The following GBE1 variants were observed in gnomAD, a reference collection of about 807,000 sequenced individuals.
The protein encoded by GBE1 is 1,4-alpha-glucan-branching enzyme.
In GBE1, 70 loss-of-function variants were observed where a neutral mutation model predicts 88.8. That is an observed-to-expected ratio of 0.79 (90% CI 0.65 to 0.96). The LOEUF (loss-of-function observed/expected upper bound fraction) is 0.96. GBE1 is among the 40% of genes least tolerant of loss of function. GBE1 has a pLI of 0.00. For missense variants in GBE1, 872 were observed against 871.0 expected, an observed-to-expected ratio of 1.00 and a Z score of -0.01; for synonymous variants, 284 against 300.1, an observed-to-expected ratio of 0.95 and a Z score of 0.56.
intron 10 of GBE1, among the ~76,000 whole-genome samples, chr3:81,584,213 A>G (rs1299931028): frequency 6.6e-6 from 1 of 152,092 alleles, no homozygotes; most frequent in Non-Finnish European, 1.5e-5. Context: ...TTCAAAACTA[A>G]TGATATTGAA....
intron 1 of GBE1, among the ~76,000 whole-genome samples, chr3:81,759,890 CTTCTT>C (rs965838061): frequency 3.4e-4 from 51 of 151,958 alleles, no homozygotes; most frequent in African/African-American, 1.2e-3. Context: ...TTCCACAACT[CTTCTT>C]TAATAAATAT....
intron 7 of GBE1, among the ~76,000 whole-genome samples, chr3:81,632,796 A>T (rs747837304): frequency 6.6e-6 from 1 of 152,070 alleles, no homozygotes; most frequent in Non-Finnish European, 1.5e-5. Flanking sequence ...AATGACTCAG[A>T]CTCATTATCA....
At chr3:81,707,695 T>C (rs1705798047) in intron 1 of GBE1, among the ~76,000 whole-genome samples, 1 of 152,068 alleles carries the variant, frequency 6.6e-6, no homozygotes, top group Non-Finnish European at 1.5e-5. Context: ...GTCATCATTA[T>C]ACTTTTTAAT....
At chr3:81,508,751 G>C (rs1432155370) in intron 14 of GBE1, among the ~76,000 whole-genome samples, 1 of 152,164 alleles carries the variant, frequency 6.6e-6, no homozygotes, top group African/African-American at 2.4e-5. Flanking sequence ...ATTTCAGGCA[G>C]AAAGACAGGG....
At chr3:81,673,173 G>A (rs1705211612) in intron 2 of GBE1, among the ~76,000 whole-genome samples, 1 of 151,664 alleles carries the variant, frequency 6.6e-6, no homozygotes, top group Non-Finnish European at 1.5e-5. Flanking sequence ...AATAATAAAA[G>A]CTTGGAATAT....
At chr3:81,538,635 G>A (rs1459209006) in intron 12 of GBE1, among the ~76,000 whole-genome samples, 1 of 151,990 alleles carries the variant, frequency 6.6e-6, no homozygotes, top group East Asian at 1.9e-4. Flanking sequence ...CGATGGCACA[G>A]CTTACTCCTT....
intron 7 of GBE1, 134 bp downstream of exon 7, chr3:81,642,647 T>C: frequency 1.5e-6 from 1 of 645,170 alleles, no homozygotes; most frequent in Non-Finnish European, 2.7e-6. Flanking sequence ...AAATCCCCTG[T>C]ACAACAAAAA....
intron 1 of GBE1, among the ~76,000 whole-genome samples, chr3:81,710,392 G>A (rs144671054): frequency 0.02 from 3,007 of 150,324 alleles, 45 homozygotes; most frequent in Non-Finnish European, 0.032. Context: ...CCACCACCAC[G>A]CCCGGCTTAT....
chr3:81,607,033 T>C (rs1345688889), intron 7 of GBE1, among the ~76,000 whole-genome samples: 1 of 152,192 alleles, frequency 6.6e-6, no homozygotes, highest in East Asian at 1.9e-4. Flanking sequence ...ATGACACATA[T>C]TGTTCTGCAG....
At chr3:81,559,868 C>T (rs1559644955) in intron 12 of GBE1, among the ~76,000 whole-genome samples, 1 of 151,970 alleles carries the variant, frequency 6.6e-6, no homozygotes, top group Non-Finnish European at 1.5e-5. Flanking sequence ...AAAACAGTAG[C>T]TTTCCAATGT....
intron 2 of GBE1, among the ~76,000 whole-genome samples, chr3:81,678,458 A>C (rs1705293281): frequency 6.6e-6 from 1 of 152,184 alleles, no homozygotes; most frequent in African/African-American, 2.4e-5. Flanking sequence ...CTTTATTTCT[A>C]AAACAGTATT....
intron 1 of GBE1, among the ~76,000 whole-genome samples, chr3:81,738,527 T>G (rs1467133063): frequency 1.4e-5 from 2 of 142,746 alleles, no homozygotes; most frequent in South Asian, 4.2e-4. Flanking sequence ...AAAATGTGTG[T>G]TTTTTTTTTA....
At chr3:81,727,157 T>G (rs1344154497) in intron 1 of GBE1, among the ~76,000 whole-genome samples, 4 of 152,234 alleles carry the variant, frequency 2.6e-5, no homozygotes, top group Non-Finnish European at 4.4e-5. Context: ...AATATGAAAA[T>G]GCAAACATGC....
chr3:81,592,260 A>G (rs1208505534), intron 8 of GBE1, among the ~76,000 whole-genome samples: 1 of 152,142 alleles, frequency 6.6e-6, no homozygotes, highest in East Asian at 1.9e-4. Context: ...CCTTAAAACA[A>G]AAGTGCGCCC....
chr3:81,632,538 A>T (rs1349438871), intron 7 of GBE1, among the ~76,000 whole-genome samples: 1 of 152,180 alleles, frequency 6.6e-6, no homozygotes, highest in Non-Finnish European at 1.5e-5. Context: ...AAAGGTAATC[A>T]TTAAAAAGCC....
chr3:81,609,434 C>A (rs1704143716), intron 7 of GBE1, among the ~76,000 whole-genome samples: 1 of 151,568 alleles, frequency 6.6e-6, no homozygotes, highest in African/African-American at 2.4e-5. Context: ...CAGCTCAAAG[C>A]CAAAAAAAAC....
chr3:81,702,122 T>TGTGTGTGTGTGTGTGTGTGTTAA (rs1705702409), intron 2 of GBE1, among the ~76,000 whole-genome samples: 1 of 137,412 alleles, frequency 7.3e-6, no homozygotes, highest in African/African-American at 2.7e-5. Context: ...TGTGTGTGTG[T>TGTGTGTGTGTGTGTGTGTGTTAA]GTGTGTGTGT....
At chr3:81,529,143 G>T (rs1311284186) in intron 14 of GBE1, among the ~76,000 whole-genome samples, 1 of 151,918 alleles carries the variant, frequency 6.6e-6, no homozygotes, top group African/African-American at 2.4e-5. Context: ...TGGTTCTCAT[G>T]AGGCTTGCAA....
At chr3:81,646,958 T>TC (rs1704773856) in intron 5 of GBE1, among the ~76,000 whole-genome samples, 1 of 121,436 alleles carries the variant, frequency 8.2e-6, no homozygotes, top group Non-Finnish European at 1.6e-5. Context: ...TAAGGTAGCT[T>TC]TTTTTTTTTT....
Sources: allele counts gnomAD v4.1 joint callset (sites outside exome capture counted in the v4.1 genomes callset), GRCh38; gene constraint gnomAD v4.1.1; transcripts MANE v1.5; gene names NCBI Gene and HGNC (gene_info 2026-07-23, HGNC 2026-07-21).